MGAM: variants seen among roughly 807,000 people sequenced by gnomAD.
The protein encoded by MGAM is alpha-1,4-glucosidase.
Under a neutral mutation model 358.8 loss-of-function variants are expected in MGAM, and 253 were observed. The observed-to-expected ratio is 0.71, with a 90% CI of 0.64 to 0.78. The LOEUF (loss-of-function observed/expected upper bound fraction) is 0.78. MGAM is among the 30% of genes least tolerant of loss of function. The probability of loss-of-function intolerance (pLI) is 0.00; values close to 1 mark genes in which losing one functional copy is unlikely to be tolerated. For missense variants in MGAM, 3,080 were observed against 3,432.6 expected, an observed-to-expected ratio of 0.90 and a Z score of 2.57; for synonymous variants, 1,105 against 1,227.1, an observed-to-expected ratio of 0.90 and a Z score of 2.08.
At position 142,092,297 on chromosome 7, in the gene MGAM, C is replaced by T. The variant is rs1032426633; in HGVS notation, c.6946-224C>T. Among the ~76,000 whole-genome samples, 9 of 145,790 alleles carry T rather than the reference C, an allele frequency of 6.2e-5. 1 individual carries two copies. Among genetic ancestry groups the T allele is most frequent in the South Asian group, 2.2e-4 (1 of 4,580 alleles). The stretch of plus-strand genomic sequence containing the variant: ...ATTTCTTGGAACTTTCACTGCCTCA[C>T]GCCCACCTTGAGAGAGATTTTTTTT... On this transcript the variant is annotated intron_variant, in intron 58 of 70. Transcript: ENST00000475668.
chr7:141,987,523 G>T (rs1360092523), intron 2 of MGAM, among the ~76,000 whole-genome samples: 1 of 152,126 alleles, frequency 6.6e-6, no homozygotes, highest in East Asian at 1.9e-4. Flanking sequence ...TCACTCAGCT[G>T]AGATCAGAGT....
At chr7:142,099,207 A>G (rs1010145815) in intron 66 of MGAM, among the ~76,000 whole-genome samples, 1 of 152,220 alleles carries the variant, frequency 6.6e-6, no homozygotes, top group African/African-American at 2.4e-5. Flanking sequence ...ATTCTGCTAA[A>G]TATCAAAAGG....
intron 8 of MGAM, among the ~76,000 whole-genome samples, chr7:142,026,200 CTT>C (rs200252324): frequency 6.8e-6 from 1 of 146,766 alleles, no homozygotes; most frequent in African/African-American, 2.5e-5. Flanking sequence ...CAATTTCTGA[CTT>C]TTTTTTTTTA....
chr7:142,074,318 C>T lies in MGAM; in HGVS notation c.5275+145C>T, dbSNP rs2129049125. 5 of 655,050 alleles carry T rather than the reference C, an allele frequency of 7.6e-6. 1 individual carries two copies. Among genetic ancestry groups the T allele is most frequent in the Middle Eastern group, 2.7e-4 (1 of 3,690 alleles). The allele number at this position is 655,050 out of a possible 1,614,324, so 40.6% of individuals were successfully genotyped here. On this transcript the variant is annotated intron_variant, in intron 45 of 70. Coordinates refer to ENST00000475668, the MANE Select transcript of MGAM (RefSeq NM_001365693.1). ...CTTAAGTATTTTGTTTCTGGTTGCA[C>T]CATTCAGGGATAGTGGTGGACGAAC...
intron 46 of MGAM, 61 bp downstream of exon 46, chr7:142,076,313 G>A: frequency 3.0e-6 from 4 of 1,350,124 alleles, no homozygotes; most frequent in Non-Finnish European, 4.2e-6. Context: ...TAGCACATCT[G>A]TGCTTGTGTA....
chr7:142,061,177 A>G (rs898654488), intron 34 of MGAM, among the ~76,000 whole-genome samples: 2 of 152,230 alleles, frequency 1.3e-5, no homozygotes, highest in African/African-American at 4.8e-5. Context: ...GGAAAGGGTC[A>G]TCCGAGCAGT....
Position 141,988,417 on chromosome 7 carries a change from T to C in MGAM, c.-2-17112T>C, listed in dbSNP as rs561660050. 6.6e-5 allele frequency among the ~76,000 whole-genome samples: 10 copies of C among 152,070 alleles called. No individual in the cohort carries two copies. The South Asian group carries it at 2.1e-3, about 32-fold the overall frequency. On this transcript the variant is annotated intron_variant, in intron 2 of 5. Coordinates refer to the MGAM transcript ENST00000465654. ...TCTCACTCTGTCACCCAGGCTGGAG[T>C]GCAGTGGCGCAATCTGGGCTCACTG...
At chr7:142,040,232 C>G in intron 20 of MGAM, 61 bp downstream of exon 20, 1 of 1,332,592 alleles carries the variant, frequency 7.5e-7, no homozygotes, top group Admixed American at 1.8e-5. Context: ...CATAGACAAG[C>G]TACCTTTCTG....
In MGAM at chr7:142,041,981, T is replaced by C. The variant is rs371834635; in HGVS notation, c.2498+1135T>C. 8.3e-4 allele frequency among the ~76,000 whole-genome samples: 11 copies of C among 13,264 alleles called. 1 individual carries two copies. The East Asian group carries it at 0.017, about 21-fold the overall frequency. The allele number at this position is 13,264 out of a possible 152,430, so 8.7% of individuals were successfully genotyped here. On this transcript the variant is annotated intron_variant, in intron 21 of 70. Transcript: ENST00000475668. ...ATAATATATATATATTATATATATA[T>C]AATATAATATATATATATTATATAT...
intron 7 of MGAM, among the ~76,000 whole-genome samples, chr7:142,024,405 C>A (rs1214577767): frequency 9.5e-6 from 1 of 105,380 alleles, no homozygotes; most frequent in African/African-American, 4.0e-5. Context: ...CAGAGTGAGA[C>A]CCTGTCTGGA....
chr7:142,028,687 A>G (rs190900842), intron 10 of MGAM, among the ~76,000 whole-genome samples: 1 of 152,288 alleles, frequency 6.6e-6, no homozygotes, highest in Admixed American at 6.5e-5. Flanking sequence ...ACATTTTGTA[A>G]TTTGACGGAA....
chr7:142,013,303 G>T (rs369006311), intron 3 of MGAM, among the ~76,000 whole-genome samples: 9 of 152,178 alleles, frequency 5.9e-5, no homozygotes, highest in East Asian at 5.8e-4. Context: ...AGCTCCTCCT[G>T]TTCCCTCCAG....
chr7:141,996,084 G>A (rs943984021), intron 1 of MGAM, among the ~76,000 whole-genome samples, 154 bp downstream of exon 1: 8 of 152,088 alleles, frequency 5.3e-5, no homozygotes, highest in Non-Finnish European at 1.0e-4. Flanking sequence ...GCCGAGGCGG[G>A]TGGATCACGA....
At chr7:142,060,212 A>C in intron 33 of MGAM, 99 bp from the exon 34 acceptor site, 1 of 1,491,988 alleles carries the variant, frequency 6.7e-7, no homozygotes, top group Non-Finnish European at 9.3e-7. Flanking sequence ...TCAAAGTATT[A>C]TTGCTCCTAG....
chr7:142,014,746 C>T (rs369440789), intron 3 of MGAM, among the ~76,000 whole-genome samples: 57 of 151,994 alleles, frequency 3.8e-4, no homozygotes, highest in East Asian at 3.5e-3. Flanking sequence ...TTTGTTTATG[C>T]GCTTAACATT....
intron 65 of MGAM, 56 bp from the exon 66 acceptor site, chr7:142,097,537 T>C: frequency 6.5e-7 from 1 of 1,541,732 alleles, no homozygotes; most frequent in Non-Finnish European, 9.0e-7. Context: ...AGTATTTTGG[T>C]TTCTCTGTCC....
intron 66 of MGAM, among the ~76,000 whole-genome samples, chr7:142,099,309 G>A (rs1361045295): frequency 6.6e-6 from 1 of 152,166 alleles, no homozygotes; most frequent in Non-Finnish European, 1.5e-5. Flanking sequence ...GAACATGTAG[G>A]ATGGAAGCAT....
chr7:142,032,352 T>G (rs1198998583), intron 13 of MGAM, among the ~76,000 whole-genome samples: 1 of 152,046 alleles, frequency 6.6e-6, no homozygotes, highest in African/African-American at 2.4e-5. Context: ...TACAGAGAGT[T>G]AAAAAGATAA....
At chr7:142,084,827 A>G (rs1814615860) in intron 54 of MGAM, among the ~76,000 whole-genome samples, 183 bp downstream of exon 54, 1 of 146,418 alleles carries the variant, frequency 6.8e-6, no homozygotes, top group Admixed American at 6.9e-5. Context: ...TCTTCTAGAG[A>G]TGATAGCTCA....
Sources: allele counts gnomAD v4.1 joint callset (sites outside exome capture counted in the v4.1 genomes callset), GRCh38; gene constraint gnomAD v4.1.1; transcripts MANE v1.5; gene names NCBI Gene and HGNC (gene_info 2026-07-23, HGNC 2026-07-21).